Variants in SHROOM2 observed in about 807,000 individuals in gnomAD.
The protein encoded by SHROOM2 is protein Shroom2.
A neutral mutation model predicts 75.9 loss-of-function variants in SHROOM2; 33 were observed. The observed-to-expected ratio is 0.43, with a 90% CI of 0.33 to 0.58. SHROOM2 has a LOEUF of 0.58. Among genes scored for constraint, SHROOM2 ranks in the 20% least tolerant of loss-of-function variants. SHROOM2 has a pLI of 0.04. For missense variants in SHROOM2, 1,434 were observed against 1,461.2 expected (o/e 0.98, Z 0.30); for synonymous variants, 655 against 663.6 (o/e 0.99, Z 0.20).
chrX:9,825,152 T>C (rs748369624), intron 1 of SHROOM2, among the ~76,000 whole-genome samples: 7 of 112,515 alleles, frequency 6.2e-5, no homozygotes, highest in African/African-American at 2.3e-4. Context: ...TGGAATAATA[T>C]GTGCTTCGAA....
At chrX:9,918,485 T>A (rs1442698007) in intron 5 of SHROOM2, among the ~76,000 whole-genome samples, 6 of 110,992 alleles carry the variant, frequency 5.4e-5, no homozygotes, top group Non-Finnish European at 1.1e-4. Context: ...CCCTCGCATA[T>A]CTTTTCTTTT....
chrX:9,859,881 T>C (rs1468595946), intron 1 of SHROOM2, among the ~76,000 whole-genome samples: 7 of 111,311 alleles, frequency 6.3e-5, no homozygotes. Context: ...AGAGAGAAGA[T>C]GATTTGCGTG....
chrX:9,928,406 C>A (rs2084615581), intron 5 of SHROOM2, among the ~76,000 whole-genome samples: 1 of 112,901 alleles, frequency 8.9e-6, no homozygotes, highest in African/African-American at 3.2e-5. Flanking sequence ...GCAGTTGATT[C>A]CTGGAGCTTG....
intron 1 of SHROOM2, among the ~76,000 whole-genome samples, chrX:9,865,789 T>C (rs1342465677): frequency 4.5e-5 from 5 of 110,112 alleles, no homozygotes; most frequent in Admixed American, 3.9e-4. Context: ...CTCGATCTCC[T>C]GACCTCATGA....
chrX:9,818,299 T>A (rs2083833872), intron 1 of SHROOM2: 1 of 220,117 alleles, frequency 4.5e-6, no homozygotes, highest in South Asian at 8.0e-5. Flanking sequence ...CAACTTTAGG[T>A]ACACTGGCAG....
intron 1 of SHROOM2, among the ~76,000 whole-genome samples, chrX:9,804,199 C>T (rs1385407813): frequency 1.8e-5 from 2 of 111,512 alleles, no homozygotes; most frequent in African/African-American, 3.3e-5. Flanking sequence ...GAGCATGGCT[C>T]ATGGTGCAGC....
intron 6 of SHROOM2, among the ~76,000 whole-genome samples, chrX:9,935,331 ATTAT>A (rs1292625687): frequency 9.6e-6 from 1 of 104,275 alleles, no homozygotes; most frequent in African/African-American, 3.6e-5. Context: ...TATTATTATT[ATTAT>A]TTATTATTAT....
intron 1 of SHROOM2, among the ~76,000 whole-genome samples, chrX:9,868,598 G>A (rs1017536791): frequency 1.8e-5 from 2 of 109,630 alleles, no homozygotes; most frequent in African/African-American, 6.6e-5. Context: ...GGCTAGAGTG[G>A]GTTGGCATGA....
intron 2 of SHROOM2, among the ~76,000 whole-genome samples, chrX:9,882,912 A>G (rs1432314901): frequency 8.9e-6 from 1 of 112,565 alleles, no homozygotes; most frequent in African/African-American, 3.2e-5. Context: ...CTTATCTCCT[A>G]GGACCATAGA....
intron 1 of SHROOM2, among the ~76,000 whole-genome samples, chrX:9,803,510 C>T (rs1209659025): frequency 9.0e-6 from 1 of 110,985 alleles, no homozygotes; most frequent in Non-Finnish European, 1.9e-5. Context: ...TCTTTGGTGC[C>T]TGCCCCCAGG....
chrX:9,903,362 A>G (rs760272831), intron 5 of SHROOM2, among the ~76,000 whole-genome samples: 2 of 111,923 alleles, frequency 1.8e-5, no homozygotes, highest in African/African-American at 6.5e-5. Flanking sequence ...TGATCTTGGA[A>G]TTTTGTCAGG....
chrX:9,925,111 T>A (rs1433717197), intron 5 of SHROOM2, among the ~76,000 whole-genome samples: 1 of 112,058 alleles, frequency 8.9e-6, no homozygotes, highest in African/African-American at 3.3e-5. Context: ...CACTGTCTCC[T>A]TTTTCCACCT....
chrX:9,839,436 C>T (rs372924510), intron 1 of SHROOM2, among the ~76,000 whole-genome samples: 25 of 111,193 alleles, frequency 2.2e-4, no homozygotes, highest in African/African-American at 7.9e-4. Context: ...GAGCTCCCGC[C>T]TCCATGAAAC....
chrX:9,833,525 G>C (rs1394068851), intron 1 of SHROOM2, among the ~76,000 whole-genome samples: 1 of 109,942 alleles, frequency 9.1e-6, no homozygotes, highest in Non-Finnish European at 1.9e-5. Context: ...TCCTAATTAG[G>C]GACCTCATAA....
chrX:9,898,534 T>A (rs1484727082), intron 5 of SHROOM2, among the ~76,000 whole-genome samples: 1 of 112,026 alleles, frequency 8.9e-6, no homozygotes, highest in Non-Finnish European at 1.9e-5. Flanking sequence ...CGGTGACATT[T>A]TTTGGTTCTT....
At chrX:9,911,399 T>G (rs1258757503) in intron 5 of SHROOM2, among the ~76,000 whole-genome samples, 1 of 112,525 alleles carries the variant, frequency 8.9e-6, no homozygotes, top group African/African-American at 3.2e-5. Flanking sequence ...CAGTATAGGC[T>G]GCAAAGCAGC....
chrX:9,894,714 C>A lies in SHROOM2; in HGVS notation c.806C>A (p.Pro269Gln). The change falls in exon 4 of 10, where the codon CCG becomes CAG. Residue 269 changes from proline (P) to glutamine (Q), a missense_variant. Physicochemically the swap from Pro to Gln is moderately conservative, Grantham distance 76. This residue lies in a region of SHROOM2 where 1,340 missense variants were observed against 1,338.3 expected (regional missense o/e 1.00). Transcript: ENST00000380913. ...TCGGAGGAGAAGCTCAGTTGTTTCC[C>A]GCCCAGGGTCCCCGGTGACAGCGGC... ...QGSEEKLSCF[P>Q]PRVPGDSGKG... The A allele has an allele frequency of 8.3e-7, 1 of 1,210,460 alleles. No homozygotes were observed.
intron 7 of SHROOM2, among the ~76,000 whole-genome samples, chrX:9,938,445 C>T (rs1425615763): frequency 9.1e-6 from 1 of 110,426 alleles, no homozygotes; most frequent in African/African-American, 3.3e-5. Flanking sequence ...CCCAGCTACT[C>T]GAGAGGCTGA....
At chrX:9,859,012 A>G (rs900947089) in intron 1 of SHROOM2, among the ~76,000 whole-genome samples, 2 of 110,813 alleles carry the variant, frequency 1.8e-5, no homozygotes, top group Non-Finnish European at 3.8e-5. Context: ...TCGGGAGTTC[A>G]AGACCAGCCT....
Sources: allele counts gnomAD v4.1 joint callset (sites outside exome capture counted in the v4.1 genomes callset), GRCh38; gene constraint gnomAD v4.1.1; regional missense constraint gnomAD v4.1.1; transcripts MANE v1.5; gene names NCBI Gene and HGNC (gene_info 2026-07-23, HGNC 2026-07-21).